Variants in ECEL1 observed in about 807,000 individuals in gnomAD.
ECEL1 encodes the protein endothelin-converting enzyme-like 1.
Under a neutral mutation model 101.8 loss-of-function variants are expected in ECEL1, and 87 were observed. That is an observed-to-expected ratio of 0.85 (90% CI 0.72 to 1.02). The LOEUF (loss-of-function observed/expected upper bound fraction) is 1.02, where lower values mean the gene tolerates loss of function less well. ECEL1 is among the 50% of genes least tolerant of loss of function. The pLI is 0.00. For synonymous variants in ECEL1, 487 were observed against 468.7 expected, an observed-to-expected ratio of 1.04 and a Z score of -0.50; for missense variants, 1,032 against 1,079.2, an observed-to-expected ratio of 0.96 and a Z score of 0.61.
chr2:232,483,207 C>T, intron 8 of ECEL1, 28 bp from the exon 9 acceptor site: 1 of 1,586,002 alleles, frequency 6.3e-7, no homozygotes, highest in South Asian at 1.1e-5. Flanking sequence ...GTGAAGGTGG[C>T]ACCAGGCCTC....
Position 232,481,849 on chromosome 2 carries a change from C to T in ECEL1, c.1797G>A (p.Gln599=). The part of the protein sequence containing the change: ...QPTLYDPDFP[Q]SLNYGGIGTI... Reference sequence around the variant, plus strand: ...TGCCGATGCCCCCGTAGTTGAGAGACCTGGGCCCACAGCAGCAGCATCAGG... The same window carrying T: ...TGCCGATGCCCCCGTAGTTGAGAGATCTGGGCCCACAGCAGCAGCATCAGG... The change falls in exon 13 of 18, where the codon CAG becomes CAA. Residue 599 remains glutamine (Q), a splice_region_variant and synonymous_variant. Coordinates refer to ENST00000304546, the MANE Select transcript of ECEL1 (RefSeq NM_004826.4). 6.2e-7 allele frequency: 1 copy of T among 1,613,918 alleles called. No homozygotes were observed. Among genetic ancestry groups the T allele is most frequent in the East Asian group, 2.2e-5 (1 of 44,874 alleles).
chr2:232,485,296 A>G, intron 2 of ECEL1, 29 bp from the exon 3 acceptor site: 1 of 1,609,782 alleles, frequency 6.2e-7, no homozygotes, highest in East Asian at 2.2e-5. Context: ...GCCACAGGTC[A>G]GAGGCCCACA....
Position 232,479,972 on chromosome 2 carries a change from CA to C in ECEL1, c.*180del. ...ATTTCCCTCACAGCCCCCCAAAGTCCAGCCTCACCCTGCTCCAGGCCCCTCC... is the reference window on the plus strand; with the variant it reads ...ATTTCCCTCACAGCCCCCCAAAGTCCGCCTCACCCTGCTCCAGGCCCCTCC... On this transcript the variant is annotated 3_prime_UTR_variant, in exon 18 of 18. Coordinates refer to ENST00000304546, the MANE Select transcript of ECEL1 (RefSeq NM_004826.4). 3.2e-6 allele frequency: 2 copies of C among 625,206 alleles called. No individual in the cohort carries two copies. The highest frequency in any genetic ancestry group is 5.6e-6 in the Non-Finnish European group (2 of 353,984). The allele number at this position is 625,206 out of a possible 1,614,324, so 38.7% of individuals were successfully genotyped here. A position where few individuals can be genotyped will look rare whatever the true frequency, so the allele number is the denominator to read the frequency against.
rs745600728 is a variant in ECEL1 at position 232,486,116 on chromosome 2, C to G, written c.538G>C (p.Val180Leu). ...GGPGGAAQRK[V>L]RAFFRSCLDM... ...AGGCACGAGCGGAAGAAGGCGCGCA[C>G]CTTGCGCTGGGCCGCGCCGCCAGGC... Residue 180 changes from valine to leucine, a missense_variant, in exon 2 of 18, where the codon GTG (valine) becomes CTG (leucine). Physicochemically the swap from Val to Leu is conservative, Grantham distance 32. Transcript: ENST00000304546. 6.3e-7 allele frequency: 1 copy of G among 1,580,778 alleles called. No homozygotes were observed. The highest frequency in any genetic ancestry group is 8.6e-7 in the Non-Finnish European group (1 of 1,165,578).
Position 232,484,567 on chromosome 2 carries a change from G to C in ECEL1, c.1089C>G (p.Ile363Met). The C allele has an allele frequency of 6.2e-7, 1 of 1,613,908 alleles. No individual in the cohort carries two copies. Among genetic ancestry groups the C allele is most frequent in the Non-Finnish European group, 8.5e-7 (1 of 1,180,028 alleles). ...HLRWKWLLDQ[I>M]FQEDFSEEEE... ...CTTCCTCTGAGAAGTCCTCCTGGAA[G>C]ATCTGGTCTAGCAGCCACTTCCACC... The change falls in exon 6 of 18, where the codon ATC (isoleucine) becomes ATG (methionine). Residue 363 changes from isoleucine to methionine, a missense_variant. Ile to Met is a conservative substitution (Grantham distance 10). Transcript: ENST00000304546.
At position 232,485,885 on chromosome 2, in the gene ECEL1, A is replaced by G; in HGVS notation, c.769T>C (p.Ser257Pro). The change falls in exon 2 of 18, where the codon TCG becomes CCG. Residue 257 changes from serine to proline, a missense_variant. Transcript: ENST00000304546. ...GCACTCACGCGGATGACGTAGCGCG[A>G]GGAGTTCCTGTCGTCCAGGCTGACC... ...LTVSLDDRNS[S>P]RYVIRIDQDG... is the part of the protein sequence containing the mutation. 6.4e-7 allele frequency: 1 copy of G among 1,560,462 alleles called. No individual in the cohort carries two copies. Among genetic ancestry groups the G allele is most frequent in the Non-Finnish European group, 8.6e-7 (1 of 1,156,086 alleles).
chr2:232,480,259 T>G lies in ECEL1; in HGVS notation c.2229-7A>C, dbSNP rs368488157. On this transcript the variant is annotated splice_region_variant and splice_polypyrimidine_tract_variant and intron_variant, in intron 17 of 17. Transcript: ENST00000304546. ...GGACACACTGCCCAGCACCCTGGGGTGGGGAGAGACCCACACAGTGTTGGG... is the reference window on the plus strand; with the variant it reads ...GGACACACTGCCCAGCACCCTGGGGGGGGGAGAGACCCACACAGTGTTGGG... 9.2e-5 allele frequency: 148 copies of G among 1,612,986 alleles called. No individual in the cohort carries two copies. The African/African-American group carries it at 1.7e-3, about 18-fold the overall frequency.
In ECEL1 at chr2:232,481,596, G is replaced by A; in HGVS notation, c.1899C>T (p.His633=). The change falls in exon 14 of 18, where the codon CAC becomes CAT. Residue 633 remains histidine, a synonymous_variant. Transcript: ENST00000304546. ...GQYDRSGNLL[H]WWTEASYSRF... The stretch of plus-strand genomic sequence containing the variant: ...GGCTGTAGGAGGCCTCCGTCCACCA[G>A]TGCAGCAGGTTCCCTGAGCGGTCAT... 1 of 1,613,858 alleles carries A rather than the reference G, an allele frequency of 6.2e-7. No homozygotes were observed. The highest frequency in any genetic ancestry group is 8.5e-7 in the Non-Finnish European group (1 of 1,180,014).
chr2:232,481,656 C>T (rs770512434), intron 13 of ECEL1, 26 bp from the exon 14 acceptor site: 2 of 1,610,242 alleles, frequency 1.2e-6, no homozygotes, highest in East Asian at 4.5e-5. Flanking sequence ...CAGGCTGAGA[C>T]CCACCCTCAC....
intron 5 of ECEL1, 41 bp downstream of exon 5, chr2:232,484,760 C>T (rs1690675702): frequency 6.2e-7 from 1 of 1,611,162 alleles, no homozygotes; most frequent in African/African-American, 1.3e-5. Context: ...AGCAGCATTG[C>T]CCTCAACCCT....
intron 16 of ECEL1, 31 bp downstream of exon 16, chr2:232,480,687 G>A: frequency 6.2e-7 from 1 of 1,609,812 alleles, no homozygotes; most frequent in Non-Finnish European, 8.5e-7. Flanking sequence ...CCCACCCCAA[G>A]GCTCCCAGTC....
In ECEL1 at chr2:232,486,502, C is replaced by A; in HGVS notation, c.152G>T (p.Gly51Val). The stretch of plus-strand genomic sequence containing the variant: ...CTCGCGCCGGTTCCAGCGCGGCAGC[C>A]CGGACCGGGCCCCGGTGGCGCTGCG... ...AARSATGARS[G>V]LPRWNRREVC... Residue 51 changes from glycine to valine, a missense_variant, in exon 2 of 18, where the codon GGG becomes GTG. Gly to Val is a moderately radical substitution (Grantham distance 109). Coordinates refer to ENST00000304546, the MANE Select transcript of ECEL1 (RefSeq NM_004826.4). 2 of 1,376,214 alleles carry A rather than the reference C, an allele frequency of 1.5e-6. No individual in the cohort carries two copies. The highest frequency in any genetic ancestry group is 1.9e-6 in the Non-Finnish European group (2 of 1,075,096). 85.3% of individuals were successfully genotyped at this position (1,376,214 alleles called of 1,614,324 possible). A position where few individuals can be genotyped will look rare whatever the true frequency, so the allele number is the denominator to read the frequency against.
chr2:232,484,304 C>A, intron 6 of ECEL1, 81 bp from the exon 7 acceptor site: 1 of 1,566,990 alleles, frequency 6.4e-7, no homozygotes, highest in Non-Finnish European at 8.7e-7. Context: ...CCTGTGCCCG[C>A]CAACCTGTGG....
Position 232,483,475 on chromosome 2 carries a change from G to A in ECEL1, c.1447C>T (p.Gln483Ter). 6.2e-7 allele frequency: 1 copy of A among 1,612,398 alleles called. No individual in the cohort carries two copies. Among genetic ancestry groups the A allele is most frequent in the Non-Finnish European group, 8.5e-7 (1 of 1,179,744 alleles). ...ATCCAGTCCAGCTCCTCCAGGCGCT[G>A]GCCCAGGATGTACTTGATGTCTTCC... ...LVEDIKYILG[Q>*]RLEELDWMDA... The change falls in exon 8 of 18, where the codon CAG becomes TAG. Residue 483 changes from glutamine (Q) to a stop codon, truncating the protein, a stop_gained. Coordinates refer to ENST00000304546, the MANE Select transcript of ECEL1 (RefSeq NM_004826.4). LOFTEE classifies it high-confidence loss of function.
Position 232,485,284 on chromosome 2 carries a change from G to T in ECEL1, c.787-17C>A, listed in dbSNP as rs781523713. The T allele has an allele frequency of 1.9e-6, 3 of 1,612,576 alleles. No individual in the cohort carries two copies. Among genetic ancestry groups the T allele is most frequent in the Non-Finnish European group, 2.5e-6 (3 of 1,179,778 alleles). On this transcript the variant is annotated splice_polypyrimidine_tract_variant and intron_variant, in intron 2 of 17. Coordinates refer to ENST00000304546, the MANE Select transcript of ECEL1 (RefSeq NM_004826.4). The stretch of plus-strand genomic sequence containing the variant: ...CTGGTCAATCTGGGGAGGGAGACAG[G>T]GGCCACAGGTCAGAGGCCCACACCT...
Position 232,482,778 on chromosome 2 carries a change from C to T in ECEL1, c.1685+73G>A, listed in dbSNP as rs1350675010. The T allele has an allele frequency of 1.3e-5, 21 of 1,574,184 alleles. 1 individual carries two copies. Among genetic ancestry groups the T allele is most frequent in the South Asian group, 4.4e-5 (4 of 90,032 alleles). On this transcript the variant is annotated intron_variant, in intron 10 of 17. Coordinates refer to ENST00000304546, the MANE Select transcript of ECEL1 (RefSeq NM_004826.4). ...CCCCCATATCTGCATGGCTGTGAGA[C>T]GATTTGCCCTACCAGCTCCTGCCCT... is the stretch of plus-strand genomic sequence containing the variant.
chr2:232,485,098 C>G lies in ECEL1; in HGVS notation c.856-7G>C, dbSNP rs747228373. On this transcript the variant is annotated splice_region_variant and splice_polypyrimidine_tract_variant and intron_variant, in intron 3 of 17. Transcript: ENST00000304546. The stretch of plus-strand genomic sequence containing the variant: ...CCCTGTATGCTGCCAGGATCTGCAC[C>G]AGGGGAGGGGGCTCACCCAGGGACA... 1 of 1,611,514 alleles carries G rather than the reference C, an allele frequency of 6.2e-7. No homozygotes were observed. The highest frequency in any genetic ancestry group is 8.5e-7 in the Non-Finnish European group (1 of 1,179,964).
rs1690529387 is a variant in ECEL1 at position 232,479,832 on chromosome 2, T to G, written c.*321A>C. 1 of 369,570 alleles carries G rather than the reference T, an allele frequency of 2.7e-6. No individual in the cohort carries two copies. Among genetic ancestry groups the G allele is most frequent in the Admixed American group, 4.2e-5 (1 of 24,060 alleles). 22.9% of individuals were successfully genotyped at this position (369,570 alleles called of 1,614,324 possible). On this transcript the variant is annotated 3_prime_UTR_variant, in exon 18 of 18. Transcript: ENST00000304546. ...ACCCGTGAAGAGGCCAAGGCAACAG[T>G]GCAGTGATTTATTGACCAGACTTTG... is the stretch of plus-strand genomic sequence containing the variant.
chr2:232,480,952 G>A (rs1015020726), intron 15 of ECEL1, 139 bp from the exon 16 acceptor site: 58 of 1,353,028 alleles, frequency 4.3e-5, no homozygotes, highest in Non-Finnish European at 5.4e-5. Context: ...GTGGACCGTG[G>A]CCCCAGCACA....
Sources: gnomAD v4.1 joint callset for allele counts on GRCh38, gnomAD v4.1.1 for gene constraint, MANE v1.5 for transcripts, NCBI Gene and HGNC (gene_info 2026-07-23, HGNC 2026-07-21) for gene names.